ANK2: variants seen among roughly 807,000 people sequenced by gnomAD.
ANK2 encodes the protein ankyrin 2.
Under a neutral mutation model 360.5 loss-of-function variants are expected in ANK2, and 83 were observed. The ratio of observed to expected loss-of-function variants is 0.23; its 90% CI spans 0.19 to 0.28. ANK2 has a LOEUF of 0.28. Ranked by LOEUF, ANK2 falls within the 10% of genes least tolerant of loss-of-function variation. The pLI, the probability that ANK2 is intolerant of heterozygous loss-of-function variation, is 1.00. For synonymous variants in ANK2, 1,740 were observed against 1,759.5 expected (o/e 0.99, Z 0.28); for missense variants, 4,201 against 4,795.7 (o/e 0.88, Z 3.66).
intron 4 of ANK2, among the ~76,000 whole-genome samples, chr4:113,205,311 A>G (rs1178364967): frequency 6.9e-6 from 1 of 145,734 alleles, no homozygotes; most frequent in African/African-American, 2.5e-5. Context: ...CATTTTTCTT[A>G]TCTGTCTCTA....
intron 1 of ANK2, among the ~76,000 whole-genome samples, chr4:113,051,077 G>A (rs2066762988): frequency 6.6e-6 from 1 of 152,156 alleles, no homozygotes; most frequent in African/African-American, 2.4e-5. Flanking sequence ...AACATTGGTA[G>A]AATGTCCTTT....
chr4:113,240,432 G>A, intron 7 of ANK2, 53 bp from the exon 8 acceptor site: 1 of 1,367,308 alleles, frequency 7.3e-7, no homozygotes, highest in Non-Finnish European at 1.0e-6. Flanking sequence ...TACAATGGCT[G>A]CAACATAGAA....
chr4:112,778,611 G>A, the ANK2 span, among the ~76,000 whole-genome samples: 1 of 152,174 alleles, frequency 6.6e-6, no homozygotes, highest in Non-Finnish European at 1.5e-5. Context: ...GTCATTTCTC[G>A]CTGCTCTGAA....
intron 3 of ANK2, among the ~76,000 whole-genome samples, chr4:113,196,715 A>G (rs561703597): frequency 1.3e-5 from 2 of 152,142 alleles, no homozygotes; most frequent in East Asian, 1.9e-4. Flanking sequence ...TTTTTTTAGT[A>G]TAAATGAGGT....
chr4:113,053,484 A>T (rs932779744), intron 1 of ANK2, among the ~76,000 whole-genome samples: 11 of 152,214 alleles, frequency 7.2e-5, no homozygotes, highest in African/African-American at 2.7e-4. Flanking sequence ...AATGGGGGCT[A>T]TTCTAATTCT....
At chr4:112,934,021 T>C (rs1250006121) in intron 2 of ANK2, among the ~76,000 whole-genome samples, 1 of 151,944 alleles carries the variant, frequency 6.6e-6, no homozygotes, top group African/African-American at 2.4e-5. Context: ...GCTCGGGAGA[T>C]TGAGCCTAGA....
chr4:112,813,710 A>G (rs796734424), upstream of ANK2, among the ~76,000 whole-genome samples: 3 of 151,610 alleles, frequency 2.0e-5, no homozygotes, highest in African/African-American at 4.8e-5. Flanking sequence ...TAATTTTTCT[A>G]TTTTTCATAG....
intron 2 of ANK2, among the ~76,000 whole-genome samples, chr4:112,991,565 C>G (rs999703510): frequency 6.6e-6 from 1 of 151,556 alleles, no homozygotes; most frequent in African/African-American, 2.4e-5. Context: ...TTCAGCCACA[C>G]CCCTCGTATT....
At chr4:113,127,502 A>C (rs1252909200) in intron 1 of ANK2, among the ~76,000 whole-genome samples, 1 of 151,426 alleles carries the variant, frequency 6.6e-6, no homozygotes, top group Non-Finnish European at 1.5e-5. Flanking sequence ...GTGTATATTT[A>C]CAGGGTACAT....
rs60510554 is a variant in ANK2 at position 112,850,504 on chromosome 4, C to CTTTTTTTTTTTTTTT, written c.-40+32256_-40+32270dup. 8.6e-4 allele frequency among the ~76,000 whole-genome samples: 5 copies of CTTTTTTTTTTTTTTT among 5,820 alleles called. 1 individual carries two copies. Among genetic ancestry groups the CTTTTTTTTTTTTTTT allele is most frequent in the African/African-American group, 2.8e-3 (4 of 1,406 alleles). The allele number at this position is 5,820 out of a possible 152,430, so 3.8% of individuals were successfully genotyped here. On this transcript the variant is annotated intron_variant, in intron 1 of 30. Coordinates refer to the ANK2 transcript ENST00000503271. Reference sequence around the variant, plus strand: ...TTTTTTTAACATTTCCTGTGCTAGTCTTTTTTTTTTTTTTTTTTTTTTTTT... The same window carrying CTTTTTTTTTTTTTTT: ...TTTTTTTAACATTTCCTGTGCTAGTCTTTTTTTTTTTTTTTTTTTTTTTTTTTTTTTTTTTTTTTT...
chr4:113,231,301 C>G (rs955261262), intron 4 of ANK2, among the ~76,000 whole-genome samples: 11 of 152,226 alleles, frequency 7.2e-5, no homozygotes, highest in South Asian at 2.1e-4. Context: ...ATCCACCCAC[C>G]TCGACCTCCC....
chr4:113,185,799 A>G (rs2098510135), intron 2 of ANK2, among the ~76,000 whole-genome samples: 1 of 152,180 alleles, frequency 6.6e-6, no homozygotes, highest in Non-Finnish European at 1.5e-5. Context: ...CTATGTCCTG[A>G]ATGGTATTGC....
chr4:112,793,236 CA>C, the ANK2 span, among the ~76,000 whole-genome samples: 9 of 151,868 alleles, frequency 5.9e-5, no homozygotes, highest in Non-Finnish European at 1.2e-4. Flanking sequence ...CTGACTTGAC[CA>C]TTATTAGATT....
chr4:113,067,005 G>A (rs75429792), intron 1 of ANK2, among the ~76,000 whole-genome samples: 3,101 of 152,074 alleles, frequency 0.02, 40 homozygotes, highest in Non-Finnish European at 0.032. Flanking sequence ...AAACAAGCAG[G>A]ACAGGTGAGA....
chr4:113,373,430 G>C lies in ANK2; in HGVS notation c.11840G>C (p.Ser3947Thr), dbSNP rs1481823362. 1 of 1,614,186 alleles carries C rather than the reference G, an allele frequency of 6.2e-7. No individual in the cohort carries two copies. The highest frequency in any genetic ancestry group is 8.5e-7 in the Non-Finnish European group (1 of 1,180,030). ...GTTATAAAGCGTGTTGTATTGAAGAGTGACACCGAGCAGTCAGAGGTGAGA... is the reference window on the plus strand; with the variant it reads ...GTTATAAAGCGTGTTGTATTGAAGACTGACACCGAGCAGTCAGAGGTGAGA... ...SKVIKRVVLKSDTEQSEDNNE is the reference protein window; with the variant it reads ...SKVIKRVVLKTDTEQSEDNNE The change falls in exon 45 of 46, where the codon AGT (serine) becomes ACT (threonine). Residue 3947 changes from serine (S) to threonine (T), a missense_variant. By Grantham distance (58) the Ser-to-Thr change is moderately conservative (BLOSUM62 1). This residue lies in a region of ANK2 where 2,642 missense variants were observed against 2,714.5 expected (regional missense o/e 0.97). Coordinates refer to ENST00000357077, the MANE Select transcript of ANK2 (RefSeq NM_001148.6).
intron 43 of ANK2, among the ~76,000 whole-genome samples, chr4:113,370,237 A>C (rs772245191): frequency 5.3e-5 from 8 of 152,116 alleles, no homozygotes; most frequent in Non-Finnish European, 1.0e-4. Context: ...CAGACTGTGG[A>C]TATTGGGTGG....
intron 38 of ANK2, 91 bp from the exon 39 acceptor site, chr4:113,360,732 G>A: frequency 8.8e-7 from 1 of 1,134,826 alleles, no homozygotes; most frequent in South Asian, 1.3e-5. Flanking sequence ...AATATTTGGA[G>A]AAGTGACTTC....
intron 1 of ANK2, among the ~76,000 whole-genome samples, chr4:112,820,352 G>C (rs1417086381): frequency 6.6e-6 from 1 of 152,204 alleles, no homozygotes; most frequent in African/African-American, 2.4e-5. Context: ...TTTCACAGAG[G>C]GTAAAGCTGG....
At chr4:112,822,391 C>T (rs1345538192) in intron 1 of ANK2, among the ~76,000 whole-genome samples, 2 of 148,028 alleles carry the variant, frequency 1.4e-5, no homozygotes, top group Non-Finnish European at 3.0e-5. Context: ...GCACTCCAGC[C>T]TGGGCGACAG....
Sources: gnomAD v4.1 joint callset for allele counts (sites outside exome capture counted in the v4.1 genomes callset) on GRCh38, gnomAD v4.1.1 for gene constraint, gnomAD v4.1.1 regional missense constraint, MANE v1.5 for transcripts, NCBI Gene and HGNC (gene_info 2026-07-23, HGNC 2026-07-21) for gene names.